The following MCM9 variants were observed in gnomAD, a reference collection of about 807,000 sequenced individuals.
MCM9 encodes minichromosome maintenance 9 homologous recombination repair factor.
MCM9 carries 55 observed loss-of-function variants against 72.8 expected under a neutral mutation model. The observed-to-expected ratio is 0.76, with a 90% CI of 0.61 to 0.95. The LOEUF is 0.95. Ranked by LOEUF, MCM9 falls within the 40% of genes least tolerant of loss-of-function variation. The pLI is 0.00. For synonymous variants in MCM9, 480 were observed against 503.4 expected, an observed-to-expected ratio of 0.95 and a Z score of 0.62; for missense variants, 1,279 against 1,377.0, an observed-to-expected ratio of 0.93 and a Z score of 1.13.
At chr6:118,866,984 C>G (rs1583476100) in intron 8 of MCM9, among the ~76,000 whole-genome samples, 1 of 151,728 alleles carries the variant, frequency 6.6e-6, no homozygotes, top group Non-Finnish European at 1.5e-5. Flanking sequence ...GTGGATTTCT[C>G]AAGAGCAACC....
intron 8 of MCM9, among the ~76,000 whole-genome samples, chr6:118,896,917 T>C (rs998122494): frequency 6.6e-6 from 1 of 152,144 alleles, no homozygotes; most frequent in Non-Finnish European, 1.5e-5. Context: ...AGCTGCTCCC[T>C]GCAGCCTCAA....
intron 8 of MCM9, among the ~76,000 whole-genome samples, chr6:118,879,454 T>C (rs1226380524): frequency 2.0e-5 from 3 of 152,310 alleles, no homozygotes; most frequent in African/African-American, 7.2e-5. Flanking sequence ...AGAATAGCAT[T>C]CACAAGTGTA....
chr6:118,854,670 G>T (rs1776446152), intron 9 of MCM9, among the ~76,000 whole-genome samples: 1 of 152,198 alleles, frequency 6.6e-6, no homozygotes, highest in Non-Finnish European at 1.5e-5. Context: ...GGTTTTCATA[G>T]ATAGCATTTA....
chr6:118,905,553 A>T, intron 8 of MCM9: 1 of 892,670 alleles, frequency 1.1e-6, no homozygotes, highest in East Asian at 2.7e-5. Flanking sequence ...TTCTTGTTGC[A>T]TCCTCAACTG....
intron 13 of MCM9, among the ~76,000 whole-genome samples, chr6:118,821,395 C>T (rs990566594): frequency 2.0e-5 from 3 of 152,148 alleles, no homozygotes; most frequent in Non-Finnish European, 4.4e-5. Context: ...CTTAGTTTGG[C>T]TGGATGTGAA....
chr6:118,856,636 T>C, intron 8 of MCM9, 91 bp from the exon 9 acceptor site: 1 of 1,363,172 alleles, frequency 7.3e-7, no homozygotes, highest in Non-Finnish European at 9.9e-7. Context: ...TCCAGCAGTT[T>C]AGGAGGCTGA....
chr6:118,826,798 A>C lies in MCM9; in HGVS notation c.1799T>G (p.Met600Arg). Residue 600 changes from methionine to arginine, a missense_variant, in exon 12 of 14, where the codon ATG (methionine) becomes AGG (arginine). Transcript: ENST00000619706. ...LEDAITVVSV[M>R]ESSMQGGALL... ...TATCCTTACCTGCATTGAGGACTCCATGACTGACACCACCGTAATAGCGTC... is the reference window on the plus strand; with the variant it reads ...TATCCTTACCTGCATTGAGGACTCCCTGACTGACACCACCGTAATAGCGTC... The C allele has an allele frequency of 6.5e-7, 1 of 1,550,314 alleles. No homozygotes were observed. The highest frequency in any genetic ancestry group is 1.2e-5 in the South Asian group (1 of 84,024).
At chr6:118,898,451 A>G (rs1459724233) in intron 8 of MCM9, among the ~76,000 whole-genome samples, 3 of 149,158 alleles carry the variant, frequency 2.0e-5, no homozygotes, top group East Asian at 1.9e-4. Flanking sequence ...TTTGGAGACA[A>G]TCTCGTTCCA....
intron 8 of MCM9, among the ~76,000 whole-genome samples, chr6:118,890,636 A>G (rs2114449394): frequency 6.6e-6 from 1 of 152,294 alleles, no homozygotes; most frequent in Middle Eastern, 3.4e-3. Flanking sequence ...TGCTCTCTGT[A>G]TGTATGTAAT....
At chr6:118,831,949 T>A (rs571221011) in intron 9 of MCM9, among the ~76,000 whole-genome samples, 1 of 152,314 alleles carries the variant, frequency 6.6e-6, no homozygotes, top group African/African-American at 2.4e-5. Context: ...AAGGTTACAC[T>A]GAGAGGAGCA....
chr6:118,849,860 C>T (rs970862229), intron 9 of MCM9, among the ~76,000 whole-genome samples: 1 of 151,674 alleles, frequency 6.6e-6, no homozygotes, highest in African/African-American at 2.4e-5. Context: ...TACCTATCCC[C>T]ATGGGTTTTG....
chr6:118,889,669 T>C (rs555859898), intron 8 of MCM9, among the ~76,000 whole-genome samples: 3 of 152,092 alleles, frequency 2.0e-5, no homozygotes, highest in Non-Finnish European at 4.4e-5. Flanking sequence ...AAAAACTAGG[T>C]ATAAGAAACA....
chr6:118,916,432 C>CATTATTATT (rs60745084), intron 6 of MCM9, among the ~76,000 whole-genome samples: 116 of 142,386 alleles, frequency 8.1e-4, no homozygotes, highest in South Asian at 1.1e-3. Context: ...GAAATGGAAG[C>CATTATTATT]ATTATTATTA....
At chr6:118,929,401 A>G (rs1409673857) in intron 3 of MCM9, among the ~76,000 whole-genome samples, 2 of 152,190 alleles carry the variant, frequency 1.3e-5, no homozygotes, top group Non-Finnish European at 2.9e-5. Flanking sequence ...TAAAGGAGGG[A>G]AAAACTATAT....
At position 118,905,893 on chromosome 6, in the gene MCM9, C is replaced by G. The variant is rs1214541166; in HGVS notation, c.1150+5757G>C. 1.2e-5 allele frequency: 15 copies of G among 1,235,250 alleles called. No homozygotes were observed. The East Asian group carries it at 3.4e-4, about 28-fold the overall frequency. The allele number at this position is 1,235,250 out of a possible 1,614,324, so 76.5% of individuals were successfully genotyped here. A position where few individuals can be genotyped will look rare whatever the true frequency, so the allele number is the denominator to read the frequency against. ...GCAATTTTTAAAGCAGTTGCTATTG[C>G]AATTTCATAGTATACTATTAAAATG... On this transcript the variant is annotated intron_variant, in intron 8 of 13. Transcript: ENST00000619706.
At chr6:118,894,076 T>C in intron 8 of MCM9, 1 of 1,096,608 alleles carries the variant, frequency 9.1e-7, no homozygotes, top group South Asian at 2.7e-5. Flanking sequence ...GAGCCGCAGT[T>C]AAAGTTTCCG....
At chr6:118,926,442 G>A (rs1290375680) in intron 3 of MCM9, among the ~76,000 whole-genome samples, 1 of 152,130 alleles carries the variant, frequency 6.6e-6, no homozygotes, top group Non-Finnish European at 1.5e-5. Flanking sequence ...TAATTTATGG[G>A]TGCTCAAAGT....
intron 13 of MCM9, among the ~76,000 whole-genome samples, chr6:118,821,517 T>A (rs772018818): frequency 1.6e-4 from 25 of 152,316 alleles, no homozygotes; most frequent in Non-Finnish European, 2.9e-4. Context: ...CTTCCCTTTG[T>A]AGGTAACCTG....
At chr6:118,889,096 C>G (rs566372160) in intron 8 of MCM9, among the ~76,000 whole-genome samples, 1 of 152,296 alleles carries the variant, frequency 6.6e-6, no homozygotes, top group Admixed American at 6.5e-5. Context: ...CTCAACAAAG[C>G]TGTTACCTGA....
Sources: allele counts gnomAD v4.1 joint callset (sites outside exome capture counted in the v4.1 genomes callset), GRCh38; gene constraint gnomAD v4.1.1; transcripts MANE v1.5; gene names NCBI Gene and HGNC (gene_info 2026-07-23, HGNC 2026-07-21).